Variants in ALG11 observed in about 807,000 individuals in gnomAD.
The protein encoded by ALG11 is ALG11 alpha-1,2-mannosyltransferase, also known as GDP-Man:Man(3)GlcNAc(2)-PP-Dol alpha-1,2-mannosyltransferase.
In ALG11, 26 loss-of-function variants were observed where a neutral mutation model predicts 38.8. The observed-to-expected ratio is 0.67, with a 90% confidence interval of 0.49 to 0.93. The LOEUF (loss-of-function observed/expected upper bound fraction) is 0.93, where lower values mean the gene tolerates loss of function less well. ALG11 is among the 40% of genes least tolerant of loss of function. The probability of loss-of-function intolerance (pLI) is 0.00; values close to 1 mark genes in which losing one functional copy is unlikely to be tolerated. For synonymous variants in ALG11, 199 were observed against 211.6 expected (o/e 0.94, Z 0.52); for missense variants, 535 against 578.8 (o/e 0.92, Z 0.78).
chr13:52,016,712 A>C (rs1303033990), intron 1 of ALG11: 1 of 152,292 alleles, frequency 6.6e-6, no homozygotes, highest in African/African-American at 2.4e-5. Flanking sequence ...ATTGCAGAAG[A>C]TGTATAGAAA....
chr13:52,023,199 T>C (rs1787876967), intron 2 of ALG11: 1 of 152,188 alleles, frequency 6.6e-6, no homozygotes, highest in African/African-American at 2.4e-5. Flanking sequence ...TTTATAGTAT[T>C]TTATTACCAT....
At position 52,024,550 on chromosome 13, in the gene ALG11, T is replaced by C; in HGVS notation, c.820T>C (p.Cys274Arg). The C allele has an allele frequency of 6.2e-7, 1 of 1,614,230 alleles. No individual in the cohort carries two copies. Among genetic ancestry groups the C allele is most frequent in the Non-Finnish European group, 8.5e-7 (1 of 1,180,046 alleles). Reference protein sequence around the residue: ...HILSLWKVGNCTNIVYPPCDV... With the variant: ...HILSLWKVGNRTNIVYPPCDV... ...TCTCTCACTATGGAAAGTTGGGAAT[T>C]GCACTAACATTGTTTATCCACCTTG... Residue 274 changes from cysteine (C) to arginine (R), a missense_variant, in exon 3 of 4, where the codon TGC (cysteine) becomes CGC (arginine). Cys to Arg is a radical substitution (Grantham distance 180). Coordinates refer to ENST00000521508, the MANE Select transcript of ALG11 (RefSeq NM_001004127.3).
Position 52,032,678 on chromosome 13 carries a change from G to C in ALG11, c.*4088G>C, listed in dbSNP as rs1954317231. ...TCAAAAAGCAGCAAACAGAGGGTCA[G>C]TCACAGGATGTTCTGACACACCATT... On this transcript the variant is annotated 3_prime_UTR_variant, in exon 4 of 4. Transcript: ENST00000521508. The C allele has an allele frequency of 6.0e-6, 1 of 167,078 alleles. No individual in the cohort carries two copies. Among genetic ancestry groups the C allele is most frequent in the Non-Finnish European group, 1.5e-5 (1 of 68,118 alleles). 10.3% of individuals were successfully genotyped at this position (167,078 alleles called of 1,614,324 possible). A position where few individuals can be genotyped will look rare whatever the true frequency, so the allele number is the denominator to read the frequency against.
rs770888492 is a variant in ALG11, at chr13:52,028,368, G to A, written c.1257G>A (p.Ser419=). Residue 419 remains serine, a synonymous_variant, in exon 4 of 4, where the codon TCG becomes TCA. Coordinates refer to ENST00000521508, the MANE Select transcript of ALG11 (RefSeq NM_001004127.3). ...AAGTIILAHN[S]GGPKLDIVVP... is the part of the protein sequence containing the mutation. The stretch of plus-strand genomic sequence containing the variant: ...GCACAATTATCCTTGCACACAATTC[G>A]GGGGGCCCAAAGCTTGACATTGTGG... 1.1e-5 allele frequency: 18 copies of A among 1,613,916 alleles called. No homozygotes were observed. Among genetic ancestry groups the A allele is most frequent in the Admixed American group, 5.0e-5 (3 of 59,980 alleles).
In ALG11 at chr13:52,031,251, CCATT is replaced by C; in HGVS notation, c.*2662_*2665del. ...TTTTTTAAAAAAAGAAAATGGATGA[CCATT>C]AATTGACTAGCATTTTAGAATTGAT... On this transcript the variant is annotated 3_prime_UTR_variant, in exon 4 of 4. Coordinates refer to ENST00000521508, the MANE Select transcript of ALG11 (RefSeq NM_001004127.3). The C allele has an allele frequency of 1.7e-6, 2 of 1,194,746 alleles. No homozygotes were observed. The highest frequency in any genetic ancestry group is 2.3e-6 in the Non-Finnish European group (2 of 869,838). 74.0% of individuals were successfully genotyped at this position (1,194,746 alleles called of 1,614,324 possible). A position where few individuals can be genotyped will look rare whatever the true frequency, so the allele number is the denominator to read the frequency against.
intron 2 of ALG11, chr13:52,023,386 T>G (rs1431168434): frequency 6.6e-6 from 1 of 152,070 alleles, no homozygotes; most frequent in Non-Finnish European, 1.5e-5. Context: ...ATAAAAAATG[T>G]AGAAAACATC....
At chr13:52,025,168 A>G (rs1954228818) in intron 3 of ALG11, among the ~76,000 whole-genome samples, 1 of 152,138 alleles carries the variant, frequency 6.6e-6, no homozygotes, top group Admixed American at 6.5e-5. Context: ...TTTTACATGT[A>G]TTATCTAATT....
chr13:52,022,715 T>C (rs958726050), intron 2 of ALG11: 6 of 138,644 alleles, frequency 4.3e-5, no homozygotes, highest in Non-Finnish European at 8.1e-5. Flanking sequence ...TTTTTTTTTT[T>C]CAGATGGAGT....
rs891276611 is a variant in ALG11 at position 52,024,738 on chromosome 13, G to A, written c.1008G>A (p.Ser336=). ...LNKKMVESPP[S]LKLVLIGGCR... ...AGAAGATGGTTGAGTCACCTCCTTCGCTTAAACTTGTCCTCATTGGAGGTT... is the reference window on the plus strand; with the variant it reads ...AGAAGATGGTTGAGTCACCTCCTTCACTTAAACTTGTCCTCATTGGAGGTT... Residue 336 remains serine, a synonymous_variant, in exon 3 of 4, where the codon TCG becomes TCA. Transcript: ENST00000521508. 5 of 1,614,082 alleles carry A rather than the reference G, an allele frequency of 3.1e-6. No homozygotes were observed. Among genetic ancestry groups the A allele is most frequent in the African/African-American group, 2.7e-5 (2 of 74,922 alleles).
rs906718066 is a variant in ALG11, at chr13:52,030,591, A to C, written c.*2001A>C. The C allele has an allele frequency of 6.2e-7, 1 of 1,614,202 alleles. No individual in the cohort carries two copies. The highest frequency in any genetic ancestry group is 1.3e-5 in the African/African-American group (1 of 75,044). On this transcript the variant is annotated 3_prime_UTR_variant, in exon 4 of 4. Coordinates refer to ENST00000521508, the MANE Select transcript of ALG11 (RefSeq NM_001004127.3). ...AGAGACCAAAGGCAGATGATAAAGG[A>C]AGCTTTTGCTGGGGATGATGTCATC... is the stretch of plus-strand genomic sequence containing the variant.
intron 2 of ALG11, chr13:52,021,267 T>TCA (rs1349704890): frequency 6.6e-6 from 1 of 152,268 alleles, no homozygotes; most frequent in Non-Finnish European, 1.5e-5. Context: ...TTACATGTGT[T>TCA]AGCTCACTTG....
rs199791267 is a variant in ALG11 at position 52,031,740 on chromosome 13, CAGTT to C, written c.*3153_*3156del. On this transcript the variant is annotated 3_prime_UTR_variant, in exon 4 of 4. Transcript: ENST00000521508. ...GCATTTTGAAAGAGCGCTGGGCAAG[CAGTT>C]AGCACATCTGGGCCTACCTTCAGCT... 3.2e-3 allele frequency: 533 copies of C among 167,336 alleles called. 3 individuals carry two copies. Among genetic ancestry groups the C allele is most frequent in the African/African-American group, 0.011 (468 of 41,556 alleles). 10.4% of individuals were successfully genotyped at this position (167,336 alleles called of 1,614,324 possible).
intron 1 of ALG11, 128 bp from the exon 2 acceptor site, chr13:52,018,785 C>T: frequency 2.5e-6 from 2 of 784,482 alleles, no homozygotes; most frequent in Non-Finnish European, 2.1e-6. Context: ...ATTTTGTTAG[C>T]AGACTCGTTA....
Position 52,028,367 on chromosome 13 carries a change from C to G in ALG11, c.1256C>G (p.Ser419Trp), listed in dbSNP as rs201526759. ...GGCACAATTATCCTTGCACACAATT[C>G]GGGGGGCCCAAAGCTTGACATTGTG... is the stretch of plus-strand genomic sequence containing the variant. ...AAGTIILAHNSGGPKLDIVVP... is the reference protein window; with the variant it reads ...AAGTIILAHNWGGPKLDIVVP... The change falls in exon 4 of 4, where the codon TCG (serine) becomes TGG (tryptophan). Residue 419 changes from serine (S) to tryptophan (W), a missense_variant. Physicochemically the swap from Ser to Trp is radical, Grantham distance 177. Transcript: ENST00000521508. 1 of 1,613,882 alleles carries G rather than the reference C, an allele frequency of 6.2e-7. No individual in the cohort carries two copies. Among genetic ancestry groups the G allele is most frequent in the Non-Finnish European group, 8.5e-7 (1 of 1,180,004 alleles).
chr13:52,025,420 A>T (rs1954231370), intron 3 of ALG11, among the ~76,000 whole-genome samples: 2 of 152,326 alleles, frequency 1.3e-5, no homozygotes, highest in South Asian at 4.1e-4. Context: ...GAATGGCCAA[A>T]TGAGAATCTC....
Position 52,024,193 on chromosome 13 carries a change from G to C in ALG11, c.463G>C (p.Gly155Arg). 1 of 1,614,074 alleles carries C rather than the reference G, an allele frequency of 6.2e-7. No homozygotes were observed. The highest frequency in any genetic ancestry group is 8.5e-7 in the Non-Finnish European group (1 of 1,179,996). ...CTTCACACTGCTGGGCCAAAGTCTAGGATCCATTTTTCTTGGCTGGGAAGC... is the reference window on the plus strand; with the variant it reads ...CTTCACACTGCTGGGCCAAAGTCTACGATCCATTTTTCTTGGCTGGGAAGC... Reference protein sequence around the residue: ...PHFTLLGQSLGSIFLGWEALM... With the variant: ...PHFTLLGQSLRSIFLGWEALM... The change falls in exon 3 of 4, where the codon GGA becomes CGA. Residue 155 changes from glycine (G) to arginine (R), a missense_variant. Transcript: ENST00000521508.
Position 52,030,440 on chromosome 13 carries a change from G to A in ALG11, c.*1850G>A. ...GAGGACCCCAAATAATCGGCCTGAT[G>A]CCCCTAAGGAGAAGAAAGAGAAGGA... On this transcript the variant is annotated 3_prime_UTR_variant, in exon 4 of 4. Coordinates refer to ENST00000521508, the MANE Select transcript of ALG11 (RefSeq NM_001004127.3). The A allele has an allele frequency of 6.2e-7, 1 of 1,614,232 alleles. No individual in the cohort carries two copies. Among genetic ancestry groups the A allele is most frequent in the Non-Finnish European group, 8.5e-7 (1 of 1,180,038 alleles).
intron 1 of ALG11, among the ~76,000 whole-genome samples, chr13:52,017,899 C>A (rs1954148471): frequency 6.6e-6 from 1 of 152,204 alleles, no homozygotes; most frequent in Admixed American, 6.5e-5. Flanking sequence ...AACATACACA[C>A]CATCTTTATT....
intron 1 of ALG11, 143 bp from the exon 2 acceptor site, chr13:52,018,770 T>G: frequency 1.4e-6 from 1 of 720,114 alleles, no homozygotes; most frequent in Non-Finnish European, 2.3e-6. Flanking sequence ...TTTTCATACT[T>G]GAGTATTTTG....
Sources: gnomAD v4.1 joint callset for allele counts (sites outside exome capture counted in the v4.1 genomes callset) on GRCh38, gnomAD v4.1.1 for gene constraint, MANE v1.5 for transcripts, NCBI Gene and HGNC (gene_info 2026-07-23, HGNC 2026-07-21) for gene names.